CALD1: variants seen among roughly 807,000 people sequenced by gnomAD.
The protein encoded by CALD1 is caldesmon 1, also known as caldesmon.
CALD1 carries 33 observed loss-of-function variants against 99.9 expected under a neutral mutation model. That is an observed-to-expected ratio of 0.33 (90% CI 0.25 to 0.44). The LOEUF (loss-of-function observed/expected upper bound fraction) is 0.44. Among genes scored for constraint, CALD1 ranks in the 20% least tolerant of loss-of-function variants. The pLI, the probability that CALD1 is intolerant of heterozygous loss-of-function variation, is 1.00. For missense variants in CALD1, 861 were observed against 962.1 expected, an observed-to-expected ratio of 0.89 and a Z score of 1.39; for synonymous variants, 310 against 325.0, an observed-to-expected ratio of 0.95 and a Z score of 0.50.
At chr7:134,833,220 TG>T (rs1563032022) in intron 1 of CALD1, among the ~76,000 whole-genome samples, 1 of 152,196 alleles carries the variant, frequency 6.6e-6, no homozygotes, top group South Asian at 2.1e-4. Context: ...CTTCTGGTTT[TG>T]GGGGGATTTT....
intron 2 of CALD1, among the ~76,000 whole-genome samples, chr7:134,844,881 G>C (rs1799789494): frequency 6.6e-6 from 1 of 152,030 alleles, no homozygotes; most frequent in Admixed American, 6.5e-5. Context: ...TATTGGATTA[G>C]GCCCACCCTA....
chr7:134,723,956 T>TA, the CALD1 span, among the ~76,000 whole-genome samples: 3 of 152,204 alleles, frequency 2.0e-5, no homozygotes, highest in Non-Finnish European at 4.4e-5. Flanking sequence ...AAAAATATTT[T>TA]AAAACTGAGC....
chr7:134,816,006 C>T (rs1238025615), intron 1 of CALD1, among the ~76,000 whole-genome samples: 1 of 152,116 alleles, frequency 6.6e-6, no homozygotes, highest in African/African-American at 2.4e-5. Flanking sequence ...TGTCTTGTCT[C>T]CTCTTAACTA....
chr7:134,841,394 ATT>A (rs1349553954), intron 1 of CALD1, among the ~76,000 whole-genome samples: 1 of 152,204 alleles, frequency 6.6e-6, no homozygotes, highest in Non-Finnish European at 1.5e-5. Flanking sequence ...TAAATATTTT[ATT>A]TTAATTTCCA....
At chr7:134,814,507 A>T (rs1342623668) in intron 1 of CALD1, among the ~76,000 whole-genome samples, 1 of 152,038 alleles carries the variant, frequency 6.6e-6, no homozygotes, top group Admixed American at 6.6e-5. Flanking sequence ...CTGTGGAGGG[A>T]TTTCCTTCCA....
intron 2 of CALD1, among the ~76,000 whole-genome samples, chr7:134,859,561 C>G (rs550042596): frequency 6.6e-6 from 1 of 152,352 alleles, no homozygotes; most frequent in South Asian, 2.1e-4. Context: ...AAGAAACTTT[C>G]AAGTTGGTTT....
intron 3 of CALD1, among the ~76,000 whole-genome samples, chr7:134,882,881 A>G (rs1318527602): frequency 6.6e-6 from 1 of 152,240 alleles, no homozygotes; most frequent in Non-Finnish European, 1.5e-5. Flanking sequence ...TTAGAGCCCA[A>G]TACTTTTTAA....
At chr7:134,815,820 GA>G (rs1265237912) in intron 1 of CALD1, among the ~76,000 whole-genome samples, 1 of 152,102 alleles carries the variant, frequency 6.6e-6, no homozygotes, top group Non-Finnish European at 1.5e-5. Context: ...ATTCTCAAAA[GA>G]ACCAATTATC....
rs115056893 is a variant in CALD1, at chr7:134,912,463, G to A, written c.72-16291G>A. Among the ~76,000 whole-genome samples the A allele has an allele frequency of 4.9e-3, 746 of 152,292 alleles. 6 individuals carry two copies. Among genetic ancestry groups the A allele is most frequent in the African/African-American group, 0.017 (707 of 41,558 alleles). ...CAAGGCAACGCTGACACTTACACAC[G>A]GAGAGGACACTAATGCTTGTGAACG... On this transcript the variant is annotated intron_variant, in intron 3 of 14. Coordinates refer to ENST00000361675, the MANE Select transcript of CALD1 (RefSeq NM_033138.4).
At position 134,784,604 on chromosome 7, in the gene CALD1, C is replaced by T. The variant is rs538849386; in HGVS notation, c.-130+4855C>T. ...ATGAATAAGGTGAAGTCTGGGAGAG[C>T]ACATGGCCCAGTGTTAGGAAGAAAT... On this transcript the variant is annotated intron_variant, in intron 1 of 14. Coordinates refer to ENST00000361675, the MANE Select transcript of CALD1 (RefSeq NM_033138.4). Among the ~76,000 whole-genome samples, 16 of 152,278 alleles carry T rather than the reference C, an allele frequency of 1.1e-4. No homozygotes were observed. The South Asian group carries it at 3.3e-3, about 32-fold the overall frequency.
At chr7:134,761,398 C>G (rs892165505) in intron 1 of CALD1, among the ~76,000 whole-genome samples, 3 of 152,092 alleles carry the variant, frequency 2.0e-5, no homozygotes, top group Admixed American at 6.6e-5. Flanking sequence ...CCATAATCTA[C>G]TGAGATTCAA....
chr7:134,808,281 T>A (rs28705862), intron 1 of CALD1, among the ~76,000 whole-genome samples: 9,554 of 151,656 alleles, frequency 0.063, 346 homozygotes, highest in African/African-American at 0.1. Flanking sequence ...TTTTTTTAAT[T>A]ACTTTTTGTA....
At chr7:134,925,757 G>A (rs1368709647) in intron 3 of CALD1, among the ~76,000 whole-genome samples, 1 of 152,208 alleles carries the variant, frequency 6.6e-6, no homozygotes, top group Non-Finnish European at 1.5e-5. Flanking sequence ...TGCAAGATGA[G>A]ATTTGGGTGG....
chr7:134,923,004 T>C (rs763713381), intron 3 of CALD1, among the ~76,000 whole-genome samples: 13 of 152,242 alleles, frequency 8.5e-5, no homozygotes. Context: ...TCTCTACTTT[T>C]TCATGCTACT....
At chr7:134,746,687 G>A (rs956692262) in intron 1 of CALD1, among the ~76,000 whole-genome samples, 26 of 152,190 alleles carry the variant, frequency 1.7e-4, no homozygotes, top group African/African-American at 6.0e-4. Flanking sequence ...CACCTAAGTG[G>A]TCATGAACAG....
intron 3 of CALD1, among the ~76,000 whole-genome samples, chr7:134,902,344 A>C (rs1436556968): frequency 6.6e-6 from 1 of 152,114 alleles, no homozygotes; most frequent in African/African-American, 2.4e-5. Flanking sequence ...CATACCATGG[A>C]GAATATTTTT....
intron 1 of CALD1, among the ~76,000 whole-genome samples, chr7:134,812,585 A>T (rs879632130): frequency 0.01 from 897 of 85,758 alleles, 4 homozygotes; most frequent in African/African-American, 0.017. Flanking sequence ...AGAATAGTTA[A>T]AAAAAAAAAA....
chr7:134,891,525 A>C, intron 3 of CALD1: 17 of 1,514,138 alleles, frequency 1.1e-5, no homozygotes, highest in Non-Finnish European at 1.4e-5. Context: ...GCCACAGATC[A>C]CATGGCCCCT....
At chr7:134,952,088 G>A (rs1267021070) in intron 9 of CALD1, among the ~76,000 whole-genome samples, 2 of 152,056 alleles carry the variant, frequency 1.3e-5, no homozygotes, top group African/African-American at 2.4e-5. Context: ...ATCACCTGAG[G>A]TCAGGAGTTC....
Sources: gnomAD v4.1 joint callset for allele counts (sites outside exome capture counted in the v4.1 genomes callset) on GRCh38, gnomAD v4.1.1 for gene constraint, MANE v1.5 for transcripts, NCBI Gene and HGNC (gene_info 2026-07-23, HGNC 2026-07-21) for gene names.